DLG2: variants seen among roughly 807,000 people sequenced by gnomAD.
DLG2 encodes the protein disks large homolog 2.
A neutral mutation model predicts 132.5 loss-of-function variants in DLG2; 45 were observed. That is an observed-to-expected ratio of 0.34 (90% CI 0.27 to 0.44). The LOEUF (loss-of-function observed/expected upper bound fraction) is 0.44. DLG2 is among the 20% of genes least tolerant of loss of function. The probability of loss-of-function intolerance (pLI) is 1.00; values close to 1 mark genes in which losing one functional copy is unlikely to be tolerated. For synonymous variants in DLG2, 424 were observed against 419.6 expected (o/e 1.01, Z -0.13); for missense variants, 1,045 against 1,196.9 (o/e 0.87, Z 1.87).
intron 6 of DLG2, among the ~76,000 whole-genome samples, chr11:84,774,106 T>G (rs866164420): frequency 3.3e-5 from 5 of 152,052 alleles, no homozygotes; most frequent in South Asian, 2.1e-4. Flanking sequence ...ACAAAATCAA[T>G]GTAAAAAATT....
At chr11:85,085,389 T>G (rs1482920870) in intron 6 of DLG2, among the ~76,000 whole-genome samples, 1 of 152,106 alleles carries the variant, frequency 6.6e-6, no homozygotes, top group Non-Finnish European at 1.5e-5. Flanking sequence ...CCTCTAAATA[T>G]CTGCAGAAAA....
At chr11:84,450,407 CTTTT>C (rs34295402) in intron 7 of DLG2, among the ~76,000 whole-genome samples, 1 of 137,486 alleles carries the variant, frequency 7.3e-6, no homozygotes, top group Admixed American at 7.5e-5. Flanking sequence ...ACAAGAAGTA[CTTTT>C]TTTTTTTTTT....
chr11:84,981,505 T>C (rs2055733909), intron 6 of DLG2, among the ~76,000 whole-genome samples: 1 of 152,178 alleles, frequency 6.6e-6, no homozygotes, highest in South Asian at 2.1e-4. Flanking sequence ...TCTTGTGTTT[T>C]GAGCTCTGAT....
At chr11:84,239,049 T>G (rs1211736578) in intron 8 of DLG2, among the ~76,000 whole-genome samples, 3 of 152,276 alleles carry the variant, frequency 2.0e-5, no homozygotes, top group African/African-American at 7.2e-5. Flanking sequence ...GAATTACTTT[T>G]CAAATAAAAA....
At chr11:84,973,862 GTA>G (rs1375880916) in intron 6 of DLG2, among the ~76,000 whole-genome samples, 1 of 152,046 alleles carries the variant, frequency 6.6e-6, no homozygotes, top group Admixed American at 6.6e-5. Context: ...TTTGAATTAT[GTA>G]TAATTTTCAT....
rs771691123 is a variant in DLG2 at position 84,163,523 on chromosome 11, G to GA, written c.574-13dup. 29 of 1,589,872 alleles carry GA rather than the reference G, an allele frequency of 1.8e-5. No homozygotes were observed. In the Admixed American group the frequency reaches 4.9e-4, roughly 27 times the overall value. Reference sequence around the variant, plus strand: ...TCTGTCCCATTGACCTGTAAATAGGGAAAAAATAAGAAGAGAACTATTAAA... The same window carrying GA: ...TCTGTCCCATTGACCTGTAAATAGGGAAAAAAATAAGAAGAGAACTATTAAA... On this transcript the variant is annotated splice_polypyrimidine_tract_variant and intron_variant, in intron 8 of 27. Transcript: ENST00000376104.
chr11:84,086,988 A>T (rs185795549), intron 10 of DLG2, among the ~76,000 whole-genome samples: 1 of 152,290 alleles, frequency 6.6e-6, no homozygotes, highest in East Asian at 1.9e-4. Flanking sequence ...GCCATCTGTC[A>T]GTACTTTATT....
At chr11:84,834,728 G>C (rs569549224) in intron 6 of DLG2, among the ~76,000 whole-genome samples, 30 of 150,310 alleles carry the variant, frequency 2.0e-4, no homozygotes, top group African/African-American at 7.1e-4. Context: ...GAGAGCTGCT[G>C]TAAGATACAC....
At chr11:83,867,520 A>C (rs559169699) in intron 16 of DLG2, among the ~76,000 whole-genome samples, 1 of 152,150 alleles carries the variant, frequency 6.6e-6, no homozygotes, top group Non-Finnish European at 1.5e-5. Flanking sequence ...CATTTTAAGG[A>C]AGGCTTTCTT....
At chr11:85,569,394 G>A (rs763943621) in intron 3 of DLG2, among the ~76,000 whole-genome samples, 10 of 152,128 alleles carry the variant, frequency 6.6e-5, no homozygotes, top group South Asian at 2.1e-4. Context: ...GTTTAACTGC[G>A]TAAGTTTGGT....
intron 6 of DLG2, among the ~76,000 whole-genome samples, chr11:84,727,937 T>G (rs1020326502): frequency 6.6e-6 from 1 of 152,342 alleles, no homozygotes; most frequent in Non-Finnish European, 1.5e-5. Flanking sequence ...TTTGGCACAT[T>G]GATTTTGTAT....
chr11:85,320,748 G>T (rs2081006352), intron 3 of DLG2, among the ~76,000 whole-genome samples: 1 of 151,768 alleles, frequency 6.6e-6, no homozygotes, highest in Admixed American at 6.6e-5. Flanking sequence ...GTAGGAAAAG[G>T]GAACAGAGGG....
intron 18 of DLG2, among the ~76,000 whole-genome samples, chr11:83,657,830 G>A (rs758105827): frequency 1.5e-4 from 23 of 152,112 alleles, no homozygotes; most frequent in African/African-American, 5.1e-4. Flanking sequence ...GTGAGCCACC[G>A]CGCCCAGCCT....
chr11:85,193,098 C>T (rs561502576), intron 4 of DLG2, among the ~76,000 whole-genome samples: 5 of 152,148 alleles, frequency 3.3e-5, no homozygotes, highest in Non-Finnish European at 5.9e-5. Flanking sequence ...CCCCCTTCCT[C>T]CAGGCCCTGG....
At chr11:85,238,210 TTTATTTATTTA>T (rs1565199740) in intron 4 of DLG2, among the ~76,000 whole-genome samples, 1 of 7,596 alleles carries the variant, frequency 1.3e-4, no homozygotes, top group African/African-American at 3.7e-4. Context: ...TTTTATTTTA[TTTATTTATTTA>T]TTTATTTATT....
chr11:85,406,866 G>A (rs879576447), intron 3 of DLG2, among the ~76,000 whole-genome samples: 4 of 151,884 alleles, frequency 2.6e-5, no homozygotes, highest in Admixed American at 2.6e-4. Context: ...AATAAAGGAA[G>A]GAAATGAAAA....
At chr11:84,489,188 T>C (rs1032369035) in intron 7 of DLG2, among the ~76,000 whole-genome samples, 2 of 152,132 alleles carry the variant, frequency 1.3e-5, no homozygotes, top group Admixed American at 6.6e-5. Flanking sequence ...AAGTTTATGA[T>C]AGTATAAAAC....
chr11:83,704,216 T>C (rs935700745), intron 18 of DLG2, among the ~76,000 whole-genome samples: 3 of 150,298 alleles, frequency 2.0e-5, no homozygotes, highest in East Asian at 1.9e-4. Context: ...TGAAAAACTT[T>C]GCATGAAAAA....
At chr11:84,011,084 T>TA (rs2094863826) in intron 11 of DLG2, among the ~76,000 whole-genome samples, 1 of 151,632 alleles carries the variant, frequency 6.6e-6, no homozygotes, top group Admixed American at 6.6e-5. Context: ...CTATAAAAAA[T>TA]AAAAAATAAA....
Sources: allele counts gnomAD v4.1 joint callset (sites outside exome capture counted in the v4.1 genomes callset), GRCh38; gene constraint gnomAD v4.1.1; transcripts MANE v1.5; gene names NCBI Gene and HGNC (gene_info 2026-07-23, HGNC 2026-07-21).